Variants in MMP24 observed in about 807,000 individuals in gnomAD.
The protein encoded by MMP24 is matrix metallopeptidase 24, also known as matrix metalloproteinase-24.
A neutral mutation model predicts 62.8 loss-of-function variants in MMP24; 25 were observed. The ratio of observed to expected loss-of-function variants is 0.40; its 90% confidence interval spans 0.29 to 0.56. MMP24 has a LOEUF of 0.56. MMP24 is among the 20% of genes least tolerant of loss of function. MMP24 has a pLI of 0.50. For missense variants in MMP24, 634 were observed against 853.6 expected, an observed-to-expected ratio of 0.74 and a Z score of 3.21; for synonymous variants, 319 against 350.5, an observed-to-expected ratio of 0.91 and a Z score of 1.00.
At chr20:35,266,211 G>A (rs1050928119) in intron 5 of MMP24, among the ~76,000 whole-genome samples, 1 of 149,394 alleles carries the variant, frequency 6.7e-6, no homozygotes, top group African/African-American at 2.5e-5. Flanking sequence ...AATCACCTGG[G>A]TGTGGTGGTA....
At chr20:35,233,218 C>G (rs1260484461) in intron 1 of MMP24, among the ~76,000 whole-genome samples, 1 of 151,986 alleles carries the variant, frequency 6.6e-6, no homozygotes, top group Non-Finnish European at 1.5e-5. Context: ...ACCAGCCTGG[C>G]CAACATGGTG....
chr20:35,231,841 C>G (rs1032116472), intron 1 of MMP24, among the ~76,000 whole-genome samples: 2 of 152,136 alleles, frequency 1.3e-5, no homozygotes, highest in African/African-American at 4.8e-5. Context: ...CACCTGAGGT[C>G]AGGAGTTTGA....
intron 1 of MMP24, among the ~76,000 whole-genome samples, chr20:35,241,964 T>C (rs2060490311): frequency 6.6e-6 from 1 of 152,206 alleles, no homozygotes; most frequent in East Asian, 1.9e-4. Flanking sequence ...GTAGAGTCCG[T>C]TGGCAGATAG....
Position 35,248,875 on chromosome 20 carries a change from A to C in MMP24, c.395+1887A>C, listed in dbSNP as rs1006942969. Among the ~76,000 whole-genome samples, 8 of 152,332 alleles carry C rather than the reference A, an allele frequency of 5.3e-5. No homozygotes were observed. The East Asian group carries it at 1.4e-3, about 26-fold the overall frequency. ...CTCATGGCAGTGCATCCTGGGGCAG[A>C]AGCACTGGTGTCTCTGCTGCGGCAC... On this transcript the variant is annotated intron_variant, in intron 2 of 8. Coordinates refer to ENST00000246186, the MANE Select transcript of MMP24 (RefSeq NM_006690.4).
At position 35,271,909 on chromosome 20, in the gene MMP24, C is replaced by T. The variant is rs1600808362; in HGVS notation, c.1600+74C>T. 9.5e-6 allele frequency: 14 copies of T among 1,472,510 alleles called. No homozygotes were observed. The East Asian group carries it at 2.8e-4, about 29-fold the overall frequency. 91.2% of individuals were successfully genotyped at this position (1,472,510 alleles called of 1,614,324 possible). A position where few individuals can be genotyped will look rare whatever the true frequency, so the allele number is the denominator to read the frequency against. Reference sequence around the variant, plus strand: ...GTCCTCACCAGTGCCCACGGGCATACTCAGTGCCCATGGGCGTCCAGGTTT... The same window carrying T: ...GTCCTCACCAGTGCCCACGGGCATATTCAGTGCCCATGGGCGTCCAGGTTT... On this transcript the variant is annotated intron_variant, in intron 8 of 8. Coordinates refer to ENST00000246186, the MANE Select transcript of MMP24 (RefSeq NM_006690.4). The surrounding 1 kb of genome is among the most constrained non-coding windows in gnomAD (Gnocchi z 4.0).
Position 35,276,275 on chromosome 20 carries a change from T to C in MMP24, c.*1666T>C. ...TGTCATCATCCTTGTTTTTTCTCAT[T>C]TTGGCCAAGGGCAGGCTCCCTGGGA... is the stretch of plus-strand genomic sequence containing the variant. On this transcript the variant is annotated 3_prime_UTR_variant, in exon 9 of 9. Coordinates refer to ENST00000246186, the MANE Select transcript of MMP24 (RefSeq NM_006690.4). The C allele has an allele frequency of 2.5e-6, 1 of 399,064 alleles. No homozygotes were observed. The highest frequency in any genetic ancestry group is 4.4e-6 in the Non-Finnish European group (1 of 226,084). 24.7% of individuals were successfully genotyped at this position (399,064 alleles called of 1,614,324 possible). A position where few individuals can be genotyped will look rare whatever the true frequency, so the allele number is the denominator to read the frequency against.
chr20:35,242,358 AT>A (rs2060492529), intron 1 of MMP24, among the ~76,000 whole-genome samples: 1 of 152,016 alleles, frequency 6.6e-6, no homozygotes, highest in African/African-American at 2.4e-5. Context: ...TAAAAATTAA[AT>A]TTAAAAAAAG....
intron 2 of MMP24, among the ~76,000 whole-genome samples, chr20:35,249,999 C>T (rs935597934): frequency 3.9e-5 from 6 of 152,004 alleles, no homozygotes; most frequent in Non-Finnish European, 8.8e-5. Flanking sequence ...ACTCCCCTCA[C>T]CCAAGTGTAC....
At chr20:35,230,785 A>G (rs2060434243) in intron 1 of MMP24, among the ~76,000 whole-genome samples, 1 of 152,214 alleles carries the variant, frequency 6.6e-6, no homozygotes, top group Non-Finnish European at 1.5e-5. Flanking sequence ...GTGATAGTAG[A>G]TGATTCGGAA....
intron 4 of MMP24, chr20:35,263,473 C>A (rs563695474): frequency 2.1e-4 from 40 of 194,692 alleles, no homozygotes; most frequent in Non-Finnish European, 3.8e-4. Context: ...TTCAACTTCA[C>A]CTTTGTGAAG....
chr20:35,263,853 A>C lies in MMP24; in HGVS notation c.880A>C (p.Ser294Arg). 6.2e-7 allele frequency: 1 copy of C among 1,611,194 alleles called. No individual in the cohort carries two copies. Among genetic ancestry groups the C allele is most frequent in the Non-Finnish European group, 8.5e-7 (1 of 1,178,684 alleles). Residue 294 changes from serine (S) to arginine (R), a missense_variant, in exon 5 of 9, where the codon AGC becomes CGC. Transcript: ENST00000246186. ...LGHALGLEHS[S>R]DPSAIMAPFY... ...CCACGCGCTGGGACTGGAGCACTCC[A>C]GCGACCCCAGCGCCATCATGGCGCC...
At chr20:35,238,654 CACTT>C (rs1039995121) in intron 1 of MMP24, among the ~76,000 whole-genome samples, 1 of 152,164 alleles carries the variant, frequency 6.6e-6, no homozygotes, top group African/African-American at 2.4e-5. Context: ...AGGGCATTCA[CACTT>C]ACTGTTCCCT....
chr20:35,228,023 A>G (rs1331811201), intron 1 of MMP24, among the ~76,000 whole-genome samples: 2 of 152,176 alleles, frequency 1.3e-5, no homozygotes, highest in African/African-American at 4.8e-5. Flanking sequence ...CTAATAAATG[A>G]TGTTGGGACA....
intron 3 of MMP24, among the ~76,000 whole-genome samples, chr20:35,253,768 C>T (rs180737128): frequency 1.4e-5 from 2 of 147,912 alleles, no homozygotes; most frequent in East Asian, 3.9e-4. Context: ...AAACTCCTCT[C>T]TATTATTTGA....
rs895753088 is a variant in MMP24 at position 35,267,198 on chromosome 20, T to A, written c.980-7T>A. ...CCCCCTCTCTAAGATGCAGCTCCTCTCTCCAGGACCCCCAGCCGAGCCTCT... is the reference window on the plus strand; with the variant it reads ...CCCCCTCTCTAAGATGCAGCTCCTCACTCCAGGACCCCCAGCCGAGCCTCT... On this transcript the variant is annotated splice_region_variant and splice_polypyrimidine_tract_variant and intron_variant, in intron 5 of 8. Transcript: ENST00000246186. The A allele has an allele frequency of 6.3e-7, 1 of 1,576,708 alleles. No individual in the cohort carries two copies.
rs766386432 is a variant in MMP24, at chr20:35,275,989, A to G, written c.*1380A>G. On this transcript the variant is annotated 3_prime_UTR_variant, in exon 9 of 9. Transcript: ENST00000246186. ...GCCCTGCTTGTCACTGAGGAGCCCT[A>G]GACAAGGCCAATGGGTTCATCAATG... 1 of 398,642 alleles carries G rather than the reference A, an allele frequency of 2.5e-6. No individual in the cohort carries two copies. Among genetic ancestry groups the G allele is most frequent in the Non-Finnish European group, 4.4e-6 (1 of 226,112 alleles). The allele number at this position is 398,642 out of a possible 1,614,324, so 24.7% of individuals were successfully genotyped here.
intron 5 of MMP24, 58 bp downstream of exon 5, chr20:35,264,010 A>C (rs2060618516): frequency 2.7e-6 from 4 of 1,505,922 alleles, no homozygotes; most frequent in Non-Finnish European, 3.6e-6. Flanking sequence ...GTGACTGCCT[A>C]CCTGTCATGG....
intron 5 of MMP24, among the ~76,000 whole-genome samples, chr20:35,264,664 C>T (rs1274891077): frequency 1.5e-5 from 2 of 134,748 alleles, no homozygotes; most frequent in Non-Finnish European, 3.1e-5. Flanking sequence ...GCTGAGATCG[C>T]ACCACTGCAC....
chr20:35,244,628 C>T (rs902103037), intron 1 of MMP24, among the ~76,000 whole-genome samples: 3 of 152,016 alleles, frequency 2.0e-5, no homozygotes, highest in Non-Finnish European at 2.9e-5. Context: ...TTAGTAGAGA[C>T]GGGGTTTCAC....
Sources: allele counts gnomAD v4.1 joint callset (sites outside exome capture counted in the v4.1 genomes callset), GRCh38; gene constraint gnomAD v4.1.1; non-coding constraint Gnocchi (gnomAD v3.1); transcripts MANE v1.5; gene names NCBI Gene and HGNC (gene_info 2026-07-23, HGNC 2026-07-21).